KCNAB3: variants seen among roughly 807,000 people sequenced by gnomAD.
KCNAB3 encodes the protein potassium voltage-gated channel subfamily A regulatory beta subunit 3, also known as voltage-gated potassium channel subunit beta-3.
KCNAB3 carries 62 observed loss-of-function variants against 67.7 expected under a neutral mutation model. The ratio of observed to expected loss-of-function variants is 0.92; its 90% CI spans 0.75 to 1.13. The LOEUF is 1.13. KCNAB3 is among the 50% of genes most tolerant of loss of function. KCNAB3 has a pLI of 0.00. For synonymous variants in KCNAB3, 212 were observed against 205.4 expected (o/e 1.03, Z -0.27); for missense variants, 514 against 522.9 (o/e 0.98, Z 0.17).
At chr17:7,927,561 C>T in intron 3 of KCNAB3, 96 bp downstream of exon 3, 1 of 1,546,112 alleles carries the variant, frequency 6.5e-7, no homozygotes, top group Non-Finnish European at 8.9e-7. Flanking sequence ...TCCCTCATTC[C>T]CTGTGCTTGT....
chr17:7,925,650 C>G (rs530924083), intron 7 of KCNAB3, 33 bp downstream of exon 7: 1 of 1,611,986 alleles, frequency 6.2e-7, no homozygotes, highest in South Asian at 1.1e-5. Flanking sequence ...TTCCATATCC[C>G]CTCACTTTGG....
At position 7,923,048 on chromosome 17, in the gene KCNAB3, C is replaced by T. The variant is rs1972090815; in HGVS notation, c.*54G>A. ...GAGCGGGAGAGGCGGCTGCGAGGAG[C>T]GGGGCTCGGGCGGGTGCAGCGACAC... On this transcript the variant is annotated 3_prime_UTR_variant, in exon 14 of 14. Transcript: ENST00000303790. 2 of 1,544,048 alleles carry T rather than the reference C, an allele frequency of 1.3e-6. No individual in the cohort carries two copies.
At position 7,925,738 on chromosome 17, in the gene KCNAB3, G is replaced by A. The variant is rs761293835; in HGVS notation, c.495-12C>T. ...GCTCGGTTTCTGCCCTGTAGGAAAA[G>A]GTAAGTCAAAGATGAGATGTGACAA... is the stretch of plus-strand genomic sequence containing the variant. On this transcript the variant is annotated splice_polypyrimidine_tract_variant and intron_variant, in intron 6 of 13. Coordinates refer to ENST00000303790, the MANE Select transcript of KCNAB3 (RefSeq NM_004732.4). 6 of 1,613,904 alleles carry A rather than the reference G, an allele frequency of 3.7e-6. No homozygotes were observed. The highest frequency in any genetic ancestry group is 2.2e-5 in the South Asian group (2 of 91,078).
rs1972199753 is a variant in KCNAB3, at chr17:7,925,562, C to T, written c.538+121G>A. 57 of 840,730 alleles carry T rather than the reference C, an allele frequency of 6.8e-5. No individual in the cohort carries two copies. In the South Asian group the frequency reaches 8.1e-4, roughly 12 times the overall value. 52.1% of individuals were successfully genotyped at this position (840,730 alleles called of 1,614,324 possible). A position where few individuals can be genotyped will look rare whatever the true frequency, so the allele number is the denominator to read the frequency against. On this transcript the variant is annotated intron_variant, in intron 7 of 13. Transcript: ENST00000303790. Reference sequence around the variant, plus strand: ...AAAAAAAAAAAAAAAGAATTCAGACCTTGCCCCCTTGCCATGGCCACCTAA... The same window carrying T: ...AAAAAAAAAAAAAAAGAATTCAGACTTTGCCCCCTTGCCATGGCCACCTAA...
chr17:7,923,056 G>A lies in KCNAB3; in HGVS notation c.*46C>T, dbSNP rs781199409. On this transcript the variant is annotated 3_prime_UTR_variant, in exon 14 of 14. Coordinates refer to ENST00000303790, the MANE Select transcript of KCNAB3 (RefSeq NM_004732.4). ...GAGGCGGCTGCGAGGAGCGGGGCTC[G>A]GGCGGGTGCAGCGACACCGGGTTGG... The A allele has an allele frequency of 2.0e-5, 31 of 1,575,776 alleles. No individual in the cohort carries two copies. The highest frequency in any genetic ancestry group is 2.7e-5 in the African/African-American group (2 of 74,174).
At chr17:7,927,601 CT>C (rs1412407771) in intron 3 of KCNAB3, 55 bp downstream of exon 3, 10 of 1,606,588 alleles carry the variant, frequency 6.2e-6, no homozygotes, top group African/African-American at 1.3e-5. Context: ...GTTCACTTCC[CT>C]TTTTTCAAGT....
chr17:7,925,043 G>C, intron 8 of KCNAB3, 54 bp downstream of exon 8: 1 of 1,493,612 alleles, frequency 6.7e-7, no homozygotes, highest in South Asian at 1.1e-5. Context: ...ACCGCACCCA[G>C]CAAGGAAGTG....
intron 1 of KCNAB3, 53 bp from the exon 2 acceptor site, chr17:7,927,879 AT>A (rs1258366059): frequency 6.2e-7 from 1 of 1,605,914 alleles, no homozygotes; most frequent in South Asian, 1.1e-5. Context: ...ATGGACTTAG[AT>A]TATCAGCCCC....
chr17:7,929,821 C>A lies in KCNAB3; in HGVS notation c.-386G>T. 8.4e-6 allele frequency: 9 copies of A among 1,068,902 alleles called. No individual in the cohort carries two copies. The highest frequency in any genetic ancestry group is 5.2e-5 in the Admixed American group (1 of 19,194). The allele number at this position is 1,068,902 out of a possible 1,614,324, so 66.2% of individuals were successfully genotyped here. ...TCAGCGCGAACCGCTGCGGGACCCG[C>A]TGGGCTCCCAGCCGCGTCGGCAGCG... is the stretch of plus-strand genomic sequence containing the variant. On this transcript the variant is annotated 5_prime_UTR_variant, in exon 1 of 14. Coordinates refer to ENST00000303790, the MANE Select transcript of KCNAB3 (RefSeq NM_004732.4). This position sits in a 1 kb window ranked among gnomAD's most constrained non-coding sequence, Gnocchi z 5.7.
chr17:7,923,562 A>T lies in KCNAB3; in HGVS notation c.1049-18T>A. 6.3e-7 allele frequency: 1 copy of T among 1,588,196 alleles called. No individual in the cohort carries two copies. The highest frequency in any genetic ancestry group is 8.6e-7 in the Non-Finnish European group (1 of 1,167,196). On this transcript the variant is annotated intron_variant, in intron 12 of 13. Coordinates refer to ENST00000303790, the MANE Select transcript of KCNAB3 (RefSeq NM_004732.4). ...ACACCACGCTGGGGCCAGAGGAGGAAAAAAAGAGGACTGATGGGGAACAGT... is the reference window on the plus strand; with the variant it reads ...ACACCACGCTGGGGCCAGAGGAGGATAAAAAGAGGACTGATGGGGAACAGT...
rs769465658 is a variant in KCNAB3 at position 7,923,078 on chromosome 17, T to C, written c.*24A>G. 9.3e-6 allele frequency: 15 copies of C among 1,609,482 alleles called. No individual in the cohort carries two copies. In the East Asian group the frequency reaches 3.1e-4, roughly 33 times the overall value. ...CTCGGGCGGGTGCAGCGACACCGGG[T>C]TGGGTCCCTGCGCCCGCGACAGACT... is the stretch of plus-strand genomic sequence containing the variant. On this transcript the variant is annotated 3_prime_UTR_variant, in exon 14 of 14. Transcript: ENST00000303790.
chr17:7,923,197 G>A lies in KCNAB3; in HGVS notation c.1138-18C>T, dbSNP rs1246627969. On this transcript the variant is annotated intron_variant, in intron 13 of 13. Coordinates refer to ENST00000303790, the MANE Select transcript of KCNAB3 (RefSeq NM_004732.4). ...CTCAGCACCTGGAGGAGAGTGGGAC[G>A]GTGGCGACGGCAGCCCATGCTGGGT... 3 of 1,611,902 alleles carry A rather than the reference G, an allele frequency of 1.9e-6. No individual in the cohort carries two copies. The highest frequency in any genetic ancestry group is 2.5e-6 in the Non-Finnish European group (3 of 1,177,938).
Position 7,923,638 on chromosome 17 carries a change from A to G in KCNAB3, c.1048+73T>C. ...CTGAAGACAAGCGTCCTCCCTAGGG[A>G]CAAACCAGTTTTAGGATGGGCTTGG... is the stretch of plus-strand genomic sequence containing the variant. On this transcript the variant is annotated intron_variant, in intron 12 of 13. Coordinates refer to ENST00000303790, the MANE Select transcript of KCNAB3 (RefSeq NM_004732.4). 25 of 1,552,380 alleles carry G rather than the reference A, an allele frequency of 1.6e-5. No homozygotes were observed. The South Asian group carries it at 2.6e-4, about 16-fold the overall frequency.
At position 7,929,820 on chromosome 17, in the gene KCNAB3, G is replaced by GACAT; in HGVS notation, c.-386_-385insATGT. ...TTCAGCGCGAACCGCTGCGGGACCC[G>GACAT]CTGGGCTCCCAGCCGCGTCGGCAGC... On this transcript the variant is annotated 5_prime_UTR_variant, in exon 1 of 14. In the 5' UTR this introduces an upstream ATG that the reference lacks. Coordinates refer to ENST00000303790, the MANE Select transcript of KCNAB3 (RefSeq NM_004732.4). The surrounding 1 kb of genome is among the most constrained non-coding windows in gnomAD (Gnocchi z 5.7). The GACAT allele has an allele frequency of 3.9e-6, 4 of 1,022,712 alleles. No individual in the cohort carries two copies. Among genetic ancestry groups the GACAT allele is most frequent in the South Asian group, 3.7e-5 (1 of 27,032 alleles). 63.4% of individuals were successfully genotyped at this position (1,022,712 alleles called of 1,614,324 possible). A position where few individuals can be genotyped will look rare whatever the true frequency, so the allele number is the denominator to read the frequency against.
chr17:7,926,336 C>G (rs1972230325), intron 4 of KCNAB3, among the ~76,000 whole-genome samples: 1 of 152,132 alleles, frequency 6.6e-6, no homozygotes, highest in African/African-American at 2.4e-5. Flanking sequence ...TGTACCAAGC[C>G]CTGCTGTGGG....
chr17:7,924,365 A>C, intron 9 of KCNAB3, 50 bp downstream of exon 9: 1 of 1,609,072 alleles, frequency 6.2e-7, no homozygotes, highest in Non-Finnish European at 8.5e-7. Flanking sequence ...AACCACGTGA[A>C]AAGTGGGAAC....
rs1384023239 is a variant in KCNAB3, at chr17:7,922,441, C to T, written c.*661G>A. 4 of 152,262 alleles carry T rather than the reference C, an allele frequency of 2.6e-5. No individual in the cohort carries two copies. The highest frequency in any genetic ancestry group is 4.4e-5 in the Non-Finnish European group (3 of 68,068). The allele number at this position is 152,262 out of a possible 1,614,324, so 9.4% of individuals were successfully genotyped here. A position where few individuals can be genotyped will look rare whatever the true frequency, so the allele number is the denominator to read the frequency against. ...CCCAACTGTTTTCCAAGGACCACCC[C>T]GGCCACTTTCACCAGACTGCAGCGT... On this transcript the variant is annotated 3_prime_UTR_variant, in exon 14 of 14. Transcript: ENST00000303790.
chr17:7,923,028 G>T lies in KCNAB3; in HGVS notation c.*74C>A. The T allele has an allele frequency of 7.1e-7, 1 of 1,416,026 alleles. No homozygotes were observed. Among genetic ancestry groups the T allele is most frequent in the Non-Finnish European group, 1.0e-6 (1 of 1,001,308 alleles). The allele number at this position is 1,416,026 out of a possible 1,614,324, so 87.7% of individuals were successfully genotyped here. On this transcript the variant is annotated 3_prime_UTR_variant, in exon 14 of 14. Coordinates refer to ENST00000303790, the MANE Select transcript of KCNAB3 (RefSeq NM_004732.4). ...CCGCTGCGTGGAGGGATCCGGAGCG[G>T]GAGAGGCGGCTGCGAGGAGCGGGGC...
chr17:7,924,942 T>G, intron 8 of KCNAB3, 155 bp downstream of exon 8: 1 of 659,236 alleles, frequency 1.5e-6, no homozygotes, highest in Non-Finnish European at 2.6e-6. Context: ...GACAGGGTCT[T>G]GCTATGTTGC....
Sources: allele counts gnomAD v4.1 joint callset (sites outside exome capture counted in the v4.1 genomes callset), GRCh38; gene constraint gnomAD v4.1.1; non-coding constraint Gnocchi (gnomAD v3.1); transcripts MANE v1.5; gene names NCBI Gene and HGNC (gene_info 2026-07-23, HGNC 2026-07-21).